Variants in MYG1 observed in about 807,000 individuals in gnomAD.
MYG1 encodes MYG1 exonuclease.
A neutral mutation model predicts 43.5 loss-of-function variants in MYG1; 36 were observed. The ratio of observed to expected loss-of-function variants is 0.83; its 90% CI spans 0.63 to 1.09. The LOEUF is 1.09. MYG1 is among the 50% of genes least tolerant of loss of function. The pLI is 0.00. For missense variants in MYG1, 529 were observed against 495.1 expected (o/e 1.07, Z -0.65); for synonymous variants, 220 against 202.8 (o/e 1.08, Z -0.72).
In MYG1 at chr12:53,300,305, C is replaced by G. The variant is rs200692072; in HGVS notation, c.329+43C>G. On this transcript the variant is annotated intron_variant, in intron 2 of 6. Coordinates refer to ENST00000267103, the MANE Select transcript of MYG1 (RefSeq NM_021640.4). ...ATTTATTTAACTTCCTTGACCTCAG[C>G]TTTCCTCTGTGCTCCAATTCAGCCA... 2.1e-6 allele frequency: 3 copies of G among 1,417,084 alleles called. No homozygotes were observed. In the African/African-American group the frequency reaches 4.3e-5, roughly 20 times the overall value. 87.8% of individuals were successfully genotyped at this position (1,417,084 alleles called of 1,614,324 possible).
chr12:53,304,624 CTG>C (rs969105928), intron 3 of MYG1, among the ~76,000 whole-genome samples: 4 of 151,910 alleles, frequency 2.6e-5, no homozygotes, highest in Non-Finnish European at 5.9e-5. Context: ...TTTTGAGAGA[CTG>C]TTGCCCAGGT....
chr12:53,303,270 C>T, intron 3 of MYG1, 77 bp downstream of exon 3: 1 of 1,509,486 alleles, frequency 6.6e-7, no homozygotes. Context: ...ACACAGCACT[C>T]AGCACTGGGC....
rs745520818 is a variant in MYG1 at position 53,303,039 on chromosome 12, TCA to T, written c.338_339del (p.Thr113ArgfsTer38). On this transcript the variant is annotated frameshift_variant, in exon 3 of 7. Transcript: ENST00000267103. LOFTEE classifies it high-confidence loss of function. Reference sequence around the variant, plus strand: ...CACCTCCCTATGCTCCTCAGGTCTTTCACAGAGACCATGAGCTCCCTGTCCCC... The same window carrying T: ...CACCTCCCTATGCTCCTCAGGTCTTTCAGAGACCATGAGCTCCCTGTCCCC... 1 of 1,610,648 alleles carries T rather than the reference TCA, an allele frequency of 6.2e-7. No homozygotes were observed. Among genetic ancestry groups the T allele is most frequent in the South Asian group, 1.1e-5 (1 of 90,798 alleles).
intron 2 of MYG1, among the ~76,000 whole-genome samples, chr12:53,301,672 G>A (rs1006045704): frequency 1.3e-5 from 2 of 152,152 alleles, no homozygotes; most frequent in Non-Finnish European, 2.9e-5. Context: ...TTAGCACTTG[G>A]CATTATTGAC....
rs1380403189 is a variant in MYG1, at chr12:53,299,764, CTT to C, written c.28_29del (p.Leu10AsnfsTer79). The C allele has an allele frequency of 1.9e-6, 3 of 1,613,800 alleles. No homozygotes were observed. The highest frequency in any genetic ancestry group is 1.7e-5 in the Admixed American group (1 of 59,984). On this transcript the variant is annotated frameshift_variant, in exon 1 of 7. Coordinates refer to ENST00000267103, the MANE Select transcript of MYG1 (RefSeq NM_021640.4). LOFTEE classifies it high-confidence loss of function. The part of the protein sequence containing the change: MGHQFLRGL[L>X]TLLLPPPPLY... ...TGGGACACCAATTCCTGCGCGGCCT[CTT>C]AACGCTGCTGCTGCCGCCGCCACCC...
chr12:53,300,354 C>A, intron 2 of MYG1, 92 bp downstream of exon 2: 2 of 927,152 alleles, frequency 2.2e-6, no homozygotes, highest in Non-Finnish European at 3.2e-6. Context: ...TCCGCGTCAG[C>A]GAAAAGAACT....
intron 3 of MYG1, among the ~76,000 whole-genome samples, chr12:53,304,549 T>G (rs1297933104): frequency 5.3e-5 from 8 of 152,284 alleles, no homozygotes; most frequent in South Asian, 2.1e-4. Flanking sequence ...CCTCCCAAAG[T>G]GCTGGGATTA....
Position 53,302,554 on chromosome 12 carries a change from G to A in MYG1, c.330-480G>A, listed in dbSNP as rs371389513. Among the ~76,000 whole-genome samples the A allele has an allele frequency of 6.3e-4, 96 of 152,200 alleles. 3 individuals are homozygous for A. The East Asian group carries it at 0.011, about 17-fold the overall frequency. ...CTGCTTAAAATCCCCCAATGACTTC[G>A]ATTACCCACAGATAAAGTCCGATGG... On this transcript the variant is annotated intron_variant, in intron 2 of 6. Transcript: ENST00000267103.
chr12:53,299,742 G>T lies in MYG1; in HGVS notation c.5G>T (p.Gly2Val). Reference sequence around the variant, plus strand: ...CCTCCCTGCAGGGAGCTGCTTATGGGACACCAATTCCTGCGCGGCCTCTTA... The same window carrying T: ...CCTCCCTGCAGGGAGCTGCTTATGGTACACCAATTCCTGCGCGGCCTCTTA... MGHQFLRGLLTL... is the reference protein window; with the variant it reads MVHQFLRGLLTL... Residue 2 changes from glycine to valine, a missense_variant, in exon 1 of 7, where the codon GGA becomes GTA. Transcript: ENST00000267103. 2 of 1,612,504 alleles carry T rather than the reference G, an allele frequency of 1.2e-6. No homozygotes were observed. Among genetic ancestry groups the T allele is most frequent in the South Asian group, 2.2e-5 (2 of 90,888 alleles).
intron 3 of MYG1, among the ~76,000 whole-genome samples, chr12:53,305,458 A>G (rs540680003): frequency 6.6e-6 from 1 of 151,998 alleles, no homozygotes; most frequent in East Asian, 1.9e-4. Context: ...CTAGTCTCAC[A>G]CTCATTTTCT....
At position 53,303,111 on chromosome 12, in the gene MYG1, A is replaced by C. The variant is rs773890861; in HGVS notation, c.407A>C (p.Tyr136Ser). Residue 136 changes from tyrosine to serine, a missense_variant, in exon 3 of 7, where the codon TAT becomes TCT. By Grantham distance (144) the Tyr-to-Ser change is moderately radical. Coordinates refer to ENST00000267103, the MANE Select transcript of MYG1 (RefSeq NM_021640.4). The part of the protein sequence containing the change: ...QTKLSSAGLI[Y>S]LHFGHKLLAQ... ...AAGCTGAGCAGTGCGGGACTCATCT[A>C]TCTGCACTTCGGGCACAAGCTGCTG... The C allele has an allele frequency of 1.2e-6, 2 of 1,614,112 alleles. No homozygotes were observed.
At chr12:53,299,975 C>T (rs1434385854) in intron 1 of MYG1, 22 bp downstream of exon 1, 3 of 1,613,284 alleles carry the variant, frequency 1.9e-6, no homozygotes, top group Non-Finnish European at 1.7e-6. Context: ...GAAAAGTGAC[C>T]CTGGGACTGC....
rs978852168 is a variant in MYG1 at position 53,300,226 on chromosome 12, A to G, written c.293A>G (p.Tyr98Cys). 3.7e-6 allele frequency: 6 copies of G among 1,602,632 alleles called. No individual in the cohort carries two copies. The African/African-American group carries it at 5.4e-5, about 14-fold the overall frequency. The part of the protein sequence containing the change: ...CDIVVDVGGE[Y>C]DPRRHRYDHH... ...ATCGTGGTGGACGTGGGGGGCGAGT[A>G]CGACCCTCGGAGACACCGATATGAC... is the stretch of plus-strand genomic sequence containing the variant. The change falls in exon 2 of 7, where the codon TAC (tyrosine) becomes TGC (cysteine). Residue 98 changes from tyrosine to cysteine, a missense_variant. Transcript: ENST00000267103.
chr12:53,306,258 TACCAAC>T lies in MYG1; in HGVS notation c.706_711del (p.Gln236_His237del). 6.2e-7 allele frequency: 1 copy of T among 1,614,230 alleles called. No homozygotes were observed. On this transcript the variant is annotated inframe_deletion, in exon 5 of 7. Coordinates refer to ENST00000267103, the MANE Select transcript of MYG1 (RefSeq NM_021640.4). ...GGAGTTTCTGCAGAGATTAGATTTC[TACCAAC>T]ACAGCTGGCTGCCAGCCCGGGCCTT...
chr12:53,303,412 A>G, intron 3 of MYG1: 7 of 511,968 alleles, frequency 1.4e-5, no homozygotes, highest in Non-Finnish European at 6.9e-6. Flanking sequence ...GGATGCTGTA[A>G]TATATGGGGA....
intron 3 of MYG1, among the ~76,000 whole-genome samples, chr12:53,304,859 A>ATT (rs1944259027): frequency 9.3e-6 from 1 of 108,000 alleles, no homozygotes; most frequent in East Asian, 2.8e-4. Flanking sequence ...GCCTAAACCC[A>ATT]TGTTTTTTTT....
rs1377024414 is a variant in MYG1 at position 53,306,988 on chromosome 12, CGG to C, written c.973_974del (p.Gly325SerfsTer54). 6.2e-7 allele frequency: 1 copy of C among 1,613,746 alleles called. No individual in the cohort carries two copies. The highest frequency in any genetic ancestry group is 8.5e-7 in the Non-Finnish European group (1 of 1,179,846). ...QSRLPLPEPW[R>X]GLRDEALDQV... ...CAGGCTGCCCCTGCCAGAGCCATGGCGGGGTCTTCGGGACGAGGCCCTGGACC... is the reference window on the plus strand; with the variant it reads ...CAGGCTGCCCCTGCCAGAGCCATGGCGGTCTTCGGGACGAGGCCCTGGACC... On this transcript the variant is annotated frameshift_variant, in exon 7 of 7. Coordinates refer to ENST00000267103, the MANE Select transcript of MYG1 (RefSeq NM_021640.4). LOFTEE classifies it high-confidence loss of function.
At chr12:53,303,333 A>G in intron 3 of MYG1, 140 bp downstream of exon 3, 1 of 895,548 alleles carries the variant, frequency 1.1e-6, no homozygotes, top group Non-Finnish European at 1.6e-6. Context: ...CCTCTCCCTC[A>G]GTCAGGCTCA....
rs1474783406 is a variant in MYG1, at chr12:53,306,254, T to C, written c.699T>C (p.Asp233=). 6.2e-7 allele frequency: 1 copy of C among 1,614,100 alleles called. No individual in the cohort carries two copies. Among genetic ancestry groups the C allele is most frequent in the African/African-American group, 1.3e-5 (1 of 74,938 alleles). ...LVQEEFLQRL[D]FYQHSWLPAR... ...AAGAGGAGTTTCTGCAGAGATTAGATTTCTACCAACACAGCTGGCTGCCAG... is the reference window on the plus strand; with the variant it reads ...AAGAGGAGTTTCTGCAGAGATTAGACTTCTACCAACACAGCTGGCTGCCAG... The change falls in exon 5 of 7, where the codon GAT becomes GAC. Residue 233 remains aspartate (D), a synonymous_variant. Coordinates refer to ENST00000267103, the MANE Select transcript of MYG1 (RefSeq NM_021640.4).
Sources: allele counts gnomAD v4.1 joint callset (sites outside exome capture counted in the v4.1 genomes callset), GRCh38; gene constraint gnomAD v4.1.1; transcripts MANE v1.5; gene names NCBI Gene and HGNC (gene_info 2026-07-23, HGNC 2026-07-21).